The following DAB1 variants were observed in gnomAD, a reference collection of about 807,000 sequenced individuals.
The protein encoded by DAB1 is DAB adaptor protein 1.
A neutral mutation model predicts 64.6 loss-of-function variants in DAB1; 15 were observed. The ratio of observed to expected loss-of-function variants is 0.23; its 90% CI spans 0.16 to 0.36. The LOEUF is 0.36. Among genes scored for constraint, DAB1 ranks in the 10% least tolerant of loss-of-function variants. The probability of loss-of-function intolerance (pLI) is 1.00; values close to 1 mark genes in which losing one functional copy is unlikely to be tolerated. For missense variants in DAB1, 596 were observed against 706.7 expected, an observed-to-expected ratio of 0.84 and a Z score of 1.78; for synonymous variants, 235 against 251.9, an observed-to-expected ratio of 0.93 and a Z score of 0.64.
intron 5 of DAB1, among the ~76,000 whole-genome samples, chr1:58,002,220 T>C (rs1414134025): frequency 6.6e-6 from 1 of 152,208 alleles, no homozygotes; most frequent in Non-Finnish European, 1.5e-5. Context: ...GTATCCACAA[T>C]ATTAAGTTCA....
At chr1:57,047,289 C>T (rs1648626255) in intron 9 of DAB1, among the ~76,000 whole-genome samples, 1 of 152,162 alleles carries the variant, frequency 6.6e-6, no homozygotes, top group Non-Finnish European at 1.5e-5. Context: ...TTGGTAGTTA[C>T]AATTGCTTGT....
intron 2 of DAB1, among the ~76,000 whole-genome samples, chr1:57,150,339 T>C (rs899711102): frequency 6.6e-6 from 1 of 152,240 alleles, no homozygotes; most frequent in African/African-American, 2.4e-5. Flanking sequence ...GTACTGACAC[T>C]GTTGTTACTA....
In DAB1 at chr1:57,913,394, T is replaced by G. The variant is rs1477026504; in HGVS notation, n.388-29232A>C. Among the ~76,000 whole-genome samples, 4 of 152,344 alleles carry G rather than the reference T, an allele frequency of 2.6e-5. No individual in the cohort carries two copies. In the East Asian group the frequency reaches 5.8e-4, roughly 22 times the overall value. ...GCTGGGAAAATTGGCTAGCCATATG[T>G]AGAAAGCTGCAACTGGATCCCTTCC... On this transcript the variant is annotated intron_variant and non_coding_transcript_variant, in intron 5 of 20. Transcript: ENST00000485760.
At chr1:58,499,245 A>G (rs558761943) in intron 3 of DAB1, among the ~76,000 whole-genome samples, 1 of 149,986 alleles carries the variant, frequency 6.7e-6, no homozygotes, top group African/African-American at 2.5e-5. Context: ...GGGAGTAGGA[A>G]TCAGGAGGTG....
chr1:58,305,036 T>C (rs908523597), intron 4 of DAB1, among the ~76,000 whole-genome samples: 8 of 152,056 alleles, frequency 5.3e-5, no homozygotes, highest in Admixed American at 1.3e-4. Context: ...CTGGAGTGCA[T>C]TGGCTATTCA....
chr1:57,376,124 A>G (rs1237762257), intron 1 of DAB1, among the ~76,000 whole-genome samples: 1 of 152,296 alleles, frequency 6.6e-6, no homozygotes, highest in Middle Eastern at 3.4e-3. Flanking sequence ...TGTCTTCCAC[A>G]CACCCAAGCA....
chr1:57,514,054 C>T (rs1029238680), intron 7 of DAB1, among the ~76,000 whole-genome samples: 3 of 152,072 alleles, frequency 2.0e-5, no homozygotes, highest in Non-Finnish European at 1.5e-5. Flanking sequence ...AATAGTTTTC[C>T]GTTCTATATG....
At chr1:58,365,356 GC>G (rs1396732658) in intron 3 of DAB1, among the ~76,000 whole-genome samples, 1 of 152,210 alleles carries the variant, frequency 6.6e-6, no homozygotes, top group Non-Finnish European at 1.5e-5. Context: ...AATGCTTACT[GC>G]CCAGTTGTGA....
intron 6 of DAB1, among the ~76,000 whole-genome samples, chr1:57,768,802 C>T (rs148847950): frequency 0.011 from 1,721 of 152,138 alleles, 28 homozygotes; most frequent in African/African-American, 0.04. Flanking sequence ...ATCCAGTCCA[C>T]CAAATATTAA....
intron 4 of DAB1, among the ~76,000 whole-genome samples, chr1:58,281,579 T>C (rs1004849147): frequency 6.6e-6 from 1 of 152,100 alleles, no homozygotes. Flanking sequence ...TGTTTTTTTT[T>C]CTATAGTGCA....
intron 1 of DAB1, among the ~76,000 whole-genome samples, chr1:57,319,554 G>C (rs1426470983): frequency 6.6e-6 from 1 of 152,026 alleles, no homozygotes; most frequent in Non-Finnish European, 1.5e-5. Flanking sequence ...CCCAATTCAG[G>C]TATTTTGTGT....
chr1:57,455,685 G>A (rs760350702), intron 7 of DAB1, among the ~76,000 whole-genome samples: 12 of 152,060 alleles, frequency 7.9e-5, no homozygotes, highest in South Asian at 2.1e-4. Flanking sequence ...CCAAGGTGCC[G>A]TAGCCAGCTA....
At chr1:57,964,292 TG>T (rs1645598541) in intron 5 of DAB1, among the ~76,000 whole-genome samples, 1 of 152,222 alleles carries the variant, frequency 6.6e-6, no homozygotes, top group Non-Finnish European at 1.5e-5. Context: ...CATCCAACAA[TG>T]TATTGCTGTA....
chr1:58,277,669 T>C (rs1661482410), intron 4 of DAB1, among the ~76,000 whole-genome samples: 1 of 152,204 alleles, frequency 6.6e-6, no homozygotes, highest in Non-Finnish European at 1.5e-5. Context: ...GTGGAAACCA[T>C]GGTCTAAAGA....
chr1:58,457,022 G>A (rs1645198620), intron 3 of DAB1, among the ~76,000 whole-genome samples: 1 of 152,186 alleles, frequency 6.6e-6, no homozygotes, highest in South Asian at 2.1e-4. Flanking sequence ...TTAAACTTTA[G>A]TCTATGTGCC....
At chr1:57,431,939 T>C (rs934767427) in intron 7 of DAB1, among the ~76,000 whole-genome samples, 3 of 152,074 alleles carry the variant, frequency 2.0e-5, no homozygotes, top group African/African-American at 7.2e-5. Flanking sequence ...CTGACCAATA[T>C]GGTGAAACCC....
intron 6 of DAB1, among the ~76,000 whole-genome samples, chr1:57,688,608 A>T (rs1342264899): frequency 2.6e-5 from 4 of 152,116 alleles, no homozygotes; most frequent in African/African-American, 9.7e-5. Flanking sequence ...AAAAAGACAC[A>T]TATACTTATA....
chr1:57,530,475 G>A (rs1644649606), intron 7 of DAB1, among the ~76,000 whole-genome samples: 1 of 151,950 alleles, frequency 6.6e-6, no homozygotes, highest in Non-Finnish European at 1.5e-5. Flanking sequence ...GCTTACAATG[G>A]AATCCAGTAG....
chr1:58,090,021 T>G (rs1473995488), intron 5 of DAB1, among the ~76,000 whole-genome samples: 2 of 152,218 alleles, frequency 1.3e-5, no homozygotes, highest in Non-Finnish European at 2.9e-5. Context: ...GGGCACAGAT[T>G]ACACTGCTGC....
Sources: gnomAD v4.1 joint callset for allele counts (sites outside exome capture counted in the v4.1 genomes callset) on GRCh38, gnomAD v4.1.1 for gene constraint, MANE v1.5 for transcripts, NCBI Gene and HGNC (gene_info 2026-07-23, HGNC 2026-07-21) for gene names.